The following PRR12 variants were observed in gnomAD, a reference collection of about 807,000 sequenced individuals.
PRR12 encodes proline rich 12, also known as proline-rich protein 12.
In PRR12, 12 loss-of-function variants were observed where a neutral mutation model predicts 138.0. The ratio of observed to expected loss-of-function variants is 0.09; its 90% CI spans 0.06 to 0.14. The LOEUF (loss-of-function observed/expected upper bound fraction) is 0.14, where lower values mean the gene tolerates loss of function less well. PRR12 is among the 10% of genes least tolerant of loss of function. PRR12 has a pLI of 1.00. For missense variants in PRR12, 2,692 were observed against 2,861.3 expected (o/e 0.94, Z 1.35); for synonymous variants, 1,567 against 1,291.7 (o/e 1.21, Z -4.57).
At position 49,616,248 on chromosome 19, in the gene PRR12, A is replaced by G. The variant is rs754405700; in HGVS notation, c.5497+29A>G. On this transcript the variant is annotated intron_variant, in intron 9 of 13. Transcript: ENST00000418929. The surrounding 1 kb of genome is among the most constrained non-coding windows in gnomAD (Gnocchi z 4.2). The stretch of plus-strand genomic sequence containing the variant: ...AGGCCCTAGGCAGCCTCAGGGCTGC[A>G]GGGGTGGGTGGGGAAGGGACACAGG... 232 of 1,307,772 alleles carry G rather than the reference A, an allele frequency of 1.8e-4. No individual in the cohort carries two copies. The highest frequency in any genetic ancestry group is 6.2e-4 in the Admixed American group (23 of 37,160). 81.0% of individuals were successfully genotyped at this position (1,307,772 alleles called of 1,614,324 possible).
Position 49,599,205 on chromosome 19 carries a change from G to A in PRR12, c.3679-67G>A, listed in dbSNP as rs989455205. ...CACCTGTAAATTTGGATTTTTGGGG[G>A]CTGAGGGAGGATGGGACTGGGGGCC... On this transcript the variant is annotated intron_variant, in intron 4 of 13. Coordinates refer to ENST00000418929, the MANE Select transcript of PRR12 (RefSeq NM_020719.3). This position sits in a 1 kb window ranked among gnomAD's most constrained non-coding sequence, Gnocchi z 5.0. The A allele has an allele frequency of 8.3e-6, 12 of 1,443,312 alleles. No homozygotes were observed. The East Asian group carries it at 2.4e-4, about 28-fold the overall frequency. The allele number at this position is 1,443,312 out of a possible 1,614,324, so 89.4% of individuals were successfully genotyped here. A position where few individuals can be genotyped will look rare whatever the true frequency, so the allele number is the denominator to read the frequency against.
At position 49,610,839 on chromosome 19, in the gene PRR12, G is replaced by A. The variant is rs921364641; in HGVS notation, c.4774-3694G>A. ...ATTACAGATGTGAGCCACTGCGCCC[G>A]GCCTTTTTTTTGTTTTGTTTTTTGA... On this transcript the variant is annotated intron_variant, in intron 6 of 13. Coordinates refer to ENST00000418929, the MANE Select transcript of PRR12 (RefSeq NM_020719.3). 4.6e-5 allele frequency among the ~76,000 whole-genome samples: 7 copies of A among 151,482 alleles called. No individual in the cohort carries two copies. In the Admixed American group the frequency reaches 4.6e-4, roughly 10 times the overall value.
rs184614000 is a variant in PRR12 at position 49,601,431 on chromosome 19, A to G, written c.4346-60A>G. ...TATAGAAAGCAGTGTTTAAAGGACA[A>G]GAGGAAAGGTGCCAGGAATGATGAA... On this transcript the variant is annotated intron_variant, in intron 5 of 13. Transcript: ENST00000418929. 448 of 943,086 alleles carry G rather than the reference A, an allele frequency of 4.8e-4. 8 individuals carry two copies. The Admixed American group carries it at 9.8e-3, about 21-fold the overall frequency. The allele number at this position is 943,086 out of a possible 1,614,324, so 58.4% of individuals were successfully genotyped here. A position where few individuals can be genotyped will look rare whatever the true frequency, so the allele number is the denominator to read the frequency against.
In PRR12 at chr19:49,615,986, G is replaced by C. The variant is rs975059799; in HGVS notation, c.5264G>C (p.Arg1755Pro). The C allele has an allele frequency of 6.4e-7, 1 of 1,552,706 alleles. No individual in the cohort carries two copies. Among genetic ancestry groups the C allele is most frequent in the African/African-American group, 1.4e-5 (1 of 73,166 alleles). ...GTGACACGTGGAGAGCGGCCATTGCGGGGTGAGCGGGCCACCAGCGGACGG... is the reference window on the plus strand; with the variant it reads ...GTGACACGTGGAGAGCGGCCATTGCCGGGTGAGCGGGCCACCAGCGGACGG... Reference protein sequence around the residue: ...EKVTRGERPLRGERATSGRQT... With the variant: ...EKVTRGERPLPGERATSGRQT... Residue 1755 changes from arginine to proline, a missense_variant, in exon 9 of 14, where the codon CGG (arginine) becomes CCG (proline). By Grantham distance (103) the Arg-to-Pro change is moderately radical. Transcript: ENST00000418929.
At chr19:49,601,457 T>C in intron 5 of PRR12, 34 bp from the exon 6 acceptor site, 3 of 1,248,322 alleles carry the variant, frequency 2.4e-6, no homozygotes, top group Non-Finnish European at 3.3e-6. Flanking sequence ...GAATGATGAA[T>C]AACATCCAGG....
chr19:49,601,297 G>C (rs974102944), intron 5 of PRR12, among the ~76,000 whole-genome samples, 194 bp from the exon 6 acceptor site: 31 of 151,676 alleles, frequency 2.0e-4, no homozygotes, highest in Non-Finnish European at 3.7e-4. Context: ...TTAGGGATAG[G>C]AGACAGGTCT....
chr19:49,592,333 CA>C (rs1198359769), intron 1 of PRR12, among the ~76,000 whole-genome samples: 1 of 152,192 alleles, frequency 6.6e-6, no homozygotes, highest in Non-Finnish European at 1.5e-5. Flanking sequence ...CCCCCACCCC[CA>C]AAGGCAGAGA....
rs1399389307 is a variant in PRR12 at position 49,595,188 on chromosome 19, C to G, written c.853C>G (p.Gln285Glu). 1 of 1,606,464 alleles carries G rather than the reference C, an allele frequency of 6.2e-7. No homozygotes were observed. Residue 285 changes from glutamine (Q) to glutamate (E), a missense_variant, in exon 4 of 14, where the codon CAG becomes GAG. Gln to Glu is a conservative substitution (Grantham distance 29). Transcript: ENST00000418929. Reference protein sequence around the residue: ...PPPPERALPRQDTVIKHYQRP... With the variant: ...PPPPERALPREDTVIKHYQRP... Reference sequence around the variant, plus strand: ...GCCGCCTGAGCGGGCCCTGCCACGCCAGGACACGGTCATCAAGCACTACCA... The same window carrying G: ...GCCGCCTGAGCGGGCCCTGCCACGCGAGGACACGGTCATCAAGCACTACCA...
chr19:49,611,946 A>C (rs962332013), intron 6 of PRR12, among the ~76,000 whole-genome samples: 10 of 90,216 alleles, frequency 1.1e-4, no homozygotes, highest in Non-Finnish European at 2.2e-4. Flanking sequence ...AAAAAAAAAA[A>C]AACAGGCCGG....
At chr19:49,623,200 T>A (rs1163585880) in intron 11 of PRR12, among the ~76,000 whole-genome samples, 1 of 152,030 alleles carries the variant, frequency 6.6e-6, no homozygotes, top group African/African-American at 2.4e-5. Flanking sequence ...GAATCTAGTC[T>A]ACAAATTCTG....
intron 2 of PRR12, among the ~76,000 whole-genome samples, chr19:49,593,834 G>A (rs2122282924): frequency 6.6e-6 from 1 of 151,878 alleles, no homozygotes; most frequent in South Asian, 2.1e-4. Flanking sequence ...TAATTCTCTG[G>A]CCCGCCCTGT....
In PRR12 at chr19:49,593,311, T is replaced by C; in HGVS notation, c.87-16T>C. 1 of 1,372,384 alleles carries C rather than the reference T, an allele frequency of 7.3e-7. No homozygotes were observed. The highest frequency in any genetic ancestry group is 1.0e-6 in the Non-Finnish European group (1 of 976,314). The allele number at this position is 1,372,384 out of a possible 1,614,324, so 85.0% of individuals were successfully genotyped here. A position where few individuals can be genotyped will look rare whatever the true frequency, so the allele number is the denominator to read the frequency against. On this transcript the variant is annotated splice_polypyrimidine_tract_variant and intron_variant, in intron 1 of 13. Transcript: ENST00000418929. ...CAGCTTGGAAGAACCCCCTGACGTC[T>C]CCCCTTTCCCCCCAGCTTGGTTTAT...
chr19:49,602,382 A>G (rs561640548), intron 6 of PRR12, among the ~76,000 whole-genome samples: 1 of 152,270 alleles, frequency 6.6e-6, no homozygotes, highest in East Asian at 1.9e-4. Flanking sequence ...CTGCAGATAC[A>G]CACTTATGTA....
In PRR12 at chr19:49,610,546, A is replaced by ATT. The variant is rs922178889; in HGVS notation, c.4774-3974_4774-3973dup. ...CATGCCATGGTAAAACCCTGTTCCT[A>ATT]TTTTTTTTTTTTTTGAGATGGAGTC... On this transcript the variant is annotated intron_variant, in intron 6 of 13. Transcript: ENST00000418929. 4.0e-4 allele frequency among the ~76,000 whole-genome samples: 49 copies of ATT among 121,634 alleles called. 1 individual carries two copies. Among genetic ancestry groups the ATT allele is most frequent in the African/African-American group, 1.7e-3 (48 of 27,964 alleles). The allele number at this position is 121,634 out of a possible 152,430, so 79.8% of individuals were successfully genotyped here.
intron 6 of PRR12, among the ~76,000 whole-genome samples, chr19:49,608,919 G>A (rs2080851889): frequency 6.6e-6 from 1 of 152,102 alleles, no homozygotes; most frequent in Admixed American, 6.6e-5. Context: ...GAATTGACAG[G>A]GCCAGGCTAG....
chr19:49,598,055 G>A (rs769509920), intron 4 of PRR12, 42 bp downstream of exon 4: 1 of 1,282,872 alleles, frequency 7.8e-7, no homozygotes, highest in Non-Finnish European at 9.8e-7. Flanking sequence ...GGGAGGAGGA[G>A]CTGTGTCCGA....
Position 49,596,436 on chromosome 19 carries a change from C to A in PRR12, c.2101C>A (p.Gln701Lys). 1 of 1,610,976 alleles carries A rather than the reference C, an allele frequency of 6.2e-7. No homozygotes were observed. Reference sequence around the variant, plus strand: ...GGAAGACCCCCAGAGGTACCACCTGCAGAGTGTCATCCGCACCAGTGCCAG... The same window carrying A: ...GGAAGACCCCCAGAGGTACCACCTGAAGAGTGTCATCCGCACCAGTGCCAG... ...AKEDPQRYHL[Q>K]SVIRTSASLD... is the part of the protein sequence containing the mutation. The change falls in exon 4 of 14, where the codon CAG (glutamine) becomes AAG (lysine). Residue 701 changes from glutamine to lysine, a missense_variant. Gln to Lys is a moderately conservative substitution (Grantham distance 53). Transcript: ENST00000418929. The surrounding 1 kb of genome is among the most constrained non-coding windows in gnomAD (Gnocchi z 5.6).
Position 49,620,643 on chromosome 19 carries a change from G to A in PRR12, c.5623+166G>A, listed in dbSNP as rs1158794351. ...CCTGGGTCTGAGAGAGGAGGGGCTG[G>A]GGCCTGGAGTCCTGGGTCTGAGGGA... On this transcript the variant is annotated intron_variant, in intron 10 of 13. Transcript: ENST00000418929. 2.6e-5 allele frequency among the ~76,000 whole-genome samples: 4 copies of A among 152,094 alleles called. No homozygotes were observed. The East Asian group carries it at 5.8e-4, about 22-fold the overall frequency.
At position 49,599,845 on chromosome 19, in the gene PRR12, A is replaced by G. The variant is rs1281130499; in HGVS notation, c.4252A>G (p.Thr1418Ala). The change falls in exon 5 of 14, where the codon ACC becomes GCC. Residue 1418 changes from threonine (T) to alanine (A), a missense_variant. By Grantham distance (58) the Thr-to-Ala change is moderately conservative. Transcript: ENST00000418929. The surrounding 1 kb of genome is among the most constrained non-coding windows in gnomAD (Gnocchi z 5.0). ...CCTTGCTGGGCCAAAAGACACTTCC[A>G]CCCCAGATGGGCCGCCCTTGGCCCC... ...PPLAGPKDTS[T>A]PDGPPLAPAA... is the part of the protein sequence containing the mutation. 5.6e-6 allele frequency: 9 copies of G among 1,612,736 alleles called. No individual in the cohort carries two copies. The highest frequency in any genetic ancestry group is 7.6e-6 in the Non-Finnish European group (9 of 1,179,750).
Sources: gnomAD v4.1 joint callset for allele counts (sites outside exome capture counted in the v4.1 genomes callset) on GRCh38, gnomAD v4.1.1 for gene constraint, Gnocchi (gnomAD v3.1) non-coding constraint, MANE v1.5 for transcripts, NCBI Gene and HGNC (gene_info 2026-07-23, HGNC 2026-07-21) for gene names.